The following NCOA1 variants were observed in gnomAD, a reference collection of about 807,000 sequenced individuals.
NCOA1 encodes the protein Hin-2 protein.
NCOA1 carries 35 observed loss-of-function variants against 150.9 expected under a neutral mutation model. That is an observed-to-expected ratio of 0.23 (90% CI 0.18 to 0.31). The LOEUF (loss-of-function observed/expected upper bound fraction) is 0.31. NCOA1 is among the 10% of genes least tolerant of loss of function. The probability of loss-of-function intolerance (pLI) is 1.00; values close to 1 mark genes in which losing one functional copy is unlikely to be tolerated. For missense variants in NCOA1, 1,491 were observed against 1,749.3 expected, an observed-to-expected ratio of 0.85 and a Z score of 2.63; for synonymous variants, 590 against 630.0, an observed-to-expected ratio of 0.94 and a Z score of 0.95.
intron 11 of NCOA1, among the ~76,000 whole-genome samples, chr2:24,702,358 G>A (rs1243726419): frequency 6.6e-6 from 1 of 151,916 alleles, no homozygotes; most frequent in African/African-American, 2.4e-5. Context: ...ATATATTTAG[G>A]TGACTACCAC....
intron 8 of NCOA1, among the ~76,000 whole-genome samples, chr2:24,684,635 A>G (rs1439294953): frequency 6.6e-6 from 1 of 152,218 alleles, no homozygotes; most frequent in Non-Finnish European, 1.5e-5. Flanking sequence ...GAGGAATGTG[A>G]AGTTTTTGCT....
At chr2:24,565,746 C>T (rs750584183) in intron 2 of NCOA1, among the ~76,000 whole-genome samples, 4 of 152,122 alleles carry the variant, frequency 2.6e-5, no homozygotes, top group Admixed American at 6.5e-5. Flanking sequence ...TGTGAGCAAG[C>T]GAGTGTGGGG....
chr2:24,729,376 G>A, intron 16 of NCOA1, 125 bp from the exon 17 acceptor site: 1 of 871,454 alleles, frequency 1.1e-6, no homozygotes, highest in Non-Finnish European at 1.8e-6. Context: ...GATTTCTTTA[G>A]GTAGTAAACT....
intron 17 of NCOA1, among the ~76,000 whole-genome samples, chr2:24,737,293 A>G (rs1462559572): frequency 1.3e-5 from 2 of 152,220 alleles, no homozygotes; most frequent in Non-Finnish European, 2.9e-5. Flanking sequence ...AGCACTAGTC[A>G]GGTTGCACAC....
chr2:24,671,297 G>A (rs1257029257), intron 6 of NCOA1, among the ~76,000 whole-genome samples: 1 of 152,134 alleles, frequency 6.6e-6, no homozygotes, highest in South Asian at 2.1e-4. Context: ...CTTGGTATGT[G>A]TGGGGGATTG....
intron 3 of NCOA1, among the ~76,000 whole-genome samples, chr2:24,635,674 A>G (rs1238298835): frequency 6.6e-6 from 1 of 152,162 alleles, no homozygotes; most frequent in Non-Finnish European, 1.5e-5. Flanking sequence ...ACAAAGTAAT[A>G]ATCAAAAGGA....
At chr2:24,666,017 A>ATT in intron 6 of NCOA1, 102 bp downstream of exon 6, 2 of 728,854 alleles carry the variant, frequency 2.7e-6, no homozygotes, top group Non-Finnish European at 3.5e-6. Flanking sequence ...TTTTATTATT[A>ATT]TTATTATTTT....
At chr2:24,694,012 A>G (rs1672786618) in intron 10 of NCOA1, among the ~76,000 whole-genome samples, 1 of 152,194 alleles carries the variant, frequency 6.6e-6, no homozygotes, top group South Asian at 2.1e-4. Flanking sequence ...GGGGGCAGCA[A>G]GAAAGGGTCT....
At chr2:24,605,537 G>A (rs1213613423) in intron 3 of NCOA1, among the ~76,000 whole-genome samples, 1 of 152,126 alleles carries the variant, frequency 6.6e-6, no homozygotes, top group Admixed American at 6.5e-5. Flanking sequence ...ATTGAGCTAT[G>A]AGTATTCTTA....
chr2:24,665,749 C>A lies in NCOA1; in HGVS notation c.90C>A (p.Ser30Arg). ...KGSPCDTLAS[S>R]TEKRRREQEN... is the part of the protein sequence containing the mutation. ...TAACTGGATTTTCTTTGTGTAACAGCACGGAAAAGAGGCGCAGGGAGCAAG... is the reference window on the plus strand; with the variant it reads ...TAACTGGATTTTCTTTGTGTAACAGAACGGAAAAGAGGCGCAGGGAGCAAG... Residue 30 changes from serine to arginine, a missense_variant and splice_region_variant, in exon 6 of 23, where the codon AGC (serine) becomes AGA (arginine). This residue lies in a region of NCOA1 where 40 missense variants were observed against 39.6 expected (regional missense o/e 1.01). Coordinates refer to ENST00000348332, the MANE Select transcript of NCOA1 (RefSeq NM_003743.5). The A allele has an allele frequency of 6.5e-7, 1 of 1,542,894 alleles. No individual in the cohort carries two copies.
intron 1 of NCOA1, among the ~76,000 whole-genome samples, chr2:24,501,129 C>A (rs1284080365): frequency 6.6e-6 from 1 of 152,152 alleles, no homozygotes; most frequent in Non-Finnish European, 1.5e-5. Flanking sequence ...TATGGAAATG[C>A]ACTAGCTGAA....
chr2:24,543,288 T>C (rs1665473248), intron 1 of NCOA1, among the ~76,000 whole-genome samples: 1 of 152,168 alleles, frequency 6.6e-6, no homozygotes, highest in African/African-American at 2.4e-5. Flanking sequence ...AACAACCTGC[T>C]TTTATAACAA....
intron 17 of NCOA1, among the ~76,000 whole-genome samples, chr2:24,733,022 A>G (rs1663098668): frequency 6.6e-6 from 1 of 152,202 alleles, no homozygotes; most frequent in African/African-American, 2.4e-5. Context: ...TGGTTCGCAA[A>G]GACTGACTGA....
At chr2:24,757,868 A>G (rs1664576495) in intron 20 of NCOA1, 105 bp from the exon 21 acceptor site, 12 of 1,012,290 alleles carry the variant, frequency 1.2e-5, no homozygotes, top group Middle Eastern at 2.1e-4. Flanking sequence ...ACAGTCATAC[A>G]TGCAATTTAA....
At chr2:24,618,983 T>C (rs1443377399) in intron 3 of NCOA1, among the ~76,000 whole-genome samples, 2 of 152,332 alleles carry the variant, frequency 1.3e-5, no homozygotes, top group African/African-American at 2.4e-5. Flanking sequence ...TTTTCACTTA[T>C]GATTAAAAAT....
chr2:24,657,765 G>A (rs1237117564), intron 4 of NCOA1, among the ~76,000 whole-genome samples: 1 of 152,124 alleles, frequency 6.6e-6, no homozygotes, highest in East Asian at 1.9e-4. Flanking sequence ...TAGAATTTAA[G>A]GAAAAGCTAA....
intron 3 of NCOA1, among the ~76,000 whole-genome samples, chr2:24,605,580 C>T (rs540466064): frequency 6.6e-6 from 1 of 152,214 alleles, no homozygotes; most frequent in Admixed American, 6.5e-5. Flanking sequence ...AGTATCCCTT[C>T]CTAGAAGTAG....
At chr2:24,592,506 C>T (rs1250341528) in intron 3 of NCOA1, among the ~76,000 whole-genome samples, 2 of 151,830 alleles carry the variant, frequency 1.3e-5, no homozygotes, top group African/African-American at 4.8e-5. Flanking sequence ...TCAACCTACT[C>T]CTTGTTGCTG....
At chr2:24,536,211 C>T (rs1276540819) in intron 1 of NCOA1, among the ~76,000 whole-genome samples, 2 of 152,158 alleles carry the variant, frequency 1.3e-5, no homozygotes, top group African/African-American at 2.4e-5. Context: ...GATCTTCAAT[C>T]ACTGATATCC....
Sources: allele counts gnomAD v4.1 joint callset (sites outside exome capture counted in the v4.1 genomes callset), GRCh38; gene constraint gnomAD v4.1.1; regional missense constraint gnomAD v4.1.1; transcripts MANE v1.5; gene names NCBI Gene and HGNC (gene_info 2026-07-23, HGNC 2026-07-21).